The following NT5C2 variants were observed in gnomAD, a reference collection of about 807,000 sequenced individuals.
NT5C2 encodes cytosolic purine 5'-nucleotidase.
In NT5C2, 58 loss-of-function variants were observed where a neutral mutation model predicts 76.1. That is an observed-to-expected ratio of 0.76 (90% CI 0.62 to 0.95). The LOEUF is 0.95. Among genes scored for constraint, NT5C2 ranks in the 40% least tolerant of loss-of-function variants. The pLI is 0.00. For missense variants in NT5C2, 478 were observed against 690.3 expected, an observed-to-expected ratio of 0.69 and a Z score of 3.45; for synonymous variants, 229 against 237.4, an observed-to-expected ratio of 0.96 and a Z score of 0.32.
chr10:103,120,205 T>A (rs753011943), intron 4 of NT5C2, among the ~76,000 whole-genome samples: 22 of 151,526 alleles, frequency 1.5e-4, no homozygotes, highest in Non-Finnish European at 2.8e-4. Context: ...TGGCAGAAAA[T>A]CTTCCTTATA....
At chr10:103,190,411 CTG>C (rs2092549120) in intron 1 of NT5C2, among the ~76,000 whole-genome samples, 1 of 152,208 alleles carries the variant, frequency 6.6e-6, no homozygotes, top group Non-Finnish European at 1.5e-5. Flanking sequence ...TCTCCCTACT[CTG>C]AAGTGTTACT....
In NT5C2 at chr10:103,095,993, AT is replaced by A; in HGVS notation, c.772-14del. 6.2e-7 allele frequency: 1 copy of A among 1,610,504 alleles called. No homozygotes were observed. Among genetic ancestry groups the A allele is most frequent in the East Asian group, 2.2e-5 (1 of 44,826 alleles). On this transcript the variant is annotated splice_polypyrimidine_tract_variant and intron_variant, in intron 11 of 18. Coordinates refer to ENST00000404739, the MANE Select transcript of NT5C2 (RefSeq NM_001351169.2). ...AAGTCATAATTTTCTGGAAAAAAAAATTTAACATAAGGTCCATATACTACTT... is the reference window on the plus strand; with the variant it reads ...AAGTCATAATTTTCTGGAAAAAAAAATTAACATAAGGTCCATATACTACTT...
intron 3 of NT5C2, among the ~76,000 whole-genome samples, chr10:103,144,076 T>C (rs2133349015): frequency 6.6e-6 from 1 of 152,326 alleles, no homozygotes; most frequent in South Asian, 2.1e-4. Flanking sequence ...ATTTTCCCAG[T>C]TACATAAATC....
intron 12 of NT5C2, among the ~76,000 whole-genome samples, chr10:103,095,357 C>G (rs1336497990): frequency 6.6e-6 from 1 of 152,162 alleles, no homozygotes; most frequent in East Asian, 1.9e-4. Context: ...CAGGTGTTCT[C>G]AAAACAGGGA....
At chr10:103,091,448 C>T (rs950773412) in intron 16 of NT5C2, 116 bp downstream of exon 16, 11 of 782,166 alleles carry the variant, frequency 1.4e-5, no homozygotes, top group Admixed American at 2.2e-5. Flanking sequence ...CCGGTTCAAA[C>T]GATTCTCCTG....
At chr10:103,105,495 G>T in intron 6 of NT5C2, 1 of 546,370 alleles carries the variant, frequency 1.8e-6, no homozygotes. Flanking sequence ...TAATTGGAAG[G>T]CACTTAATTT....
chr10:103,116,054 G>A (rs2074265540), intron 4 of NT5C2, among the ~76,000 whole-genome samples: 1 of 151,946 alleles, frequency 6.6e-6, no homozygotes, highest in Non-Finnish European at 1.5e-5. Flanking sequence ...AATAATAGCA[G>A]CTAAAATAAC....
At chr10:103,134,339 C>G (rs1420197585) in intron 4 of NT5C2, among the ~76,000 whole-genome samples, 2 of 152,312 alleles carry the variant, frequency 1.3e-5, no homozygotes, top group Non-Finnish European at 2.9e-5. Context: ...AGTCTGGCGA[C>G]TTAGTGCCGA....
chr10:103,100,859 G>A (rs776894385), intron 8 of NT5C2, 186 bp downstream of exon 8: 4 of 688,450 alleles, frequency 5.8e-6, no homozygotes, highest in Non-Finnish European at 1.1e-5. Flanking sequence ...GGGGCCGTGT[G>A]GGAGGTGAGA....
At position 103,126,268 on chromosome 10, in the gene NT5C2, G is replaced by A. The variant is rs570714344; in HGVS notation, c.175+13138C>T. ...CTGATACATATCATGTGCAAAGAAC[G>A]TCGCTAAAGTAATTTGGGGTGAAAG... On this transcript the variant is annotated intron_variant, in intron 4 of 18. Coordinates refer to ENST00000404739, the MANE Select transcript of NT5C2 (RefSeq NM_001351169.2). Among the ~76,000 whole-genome samples the A allele has an allele frequency of 2.1e-3, 323 of 152,292 alleles. 2 individuals are homozygous for A. The highest frequency in any genetic ancestry group is 0.011 in the South Asian group (52 of 4,826).
chr10:103,120,205 T>G (rs753011943), intron 4 of NT5C2, among the ~76,000 whole-genome samples: 2 of 151,526 alleles, frequency 1.3e-5, no homozygotes, highest in East Asian at 3.9e-4. Flanking sequence ...TGGCAGAAAA[T>G]CTTCCTTATA....
chr10:103,100,543 T>G (rs2135054845), intron 8 of NT5C2: 1 of 392,190 alleles, frequency 2.5e-6, no homozygotes. Flanking sequence ...GGCTATATAA[T>G]TCTCCCTAAA....
At chr10:103,113,496 A>AT (rs997745829) in intron 4 of NT5C2, among the ~76,000 whole-genome samples, 66 of 123,782 alleles carry the variant, frequency 5.3e-4, no homozygotes, top group African/African-American at 1.2e-3. Flanking sequence ...AATAGCTAAT[A>AT]TTTTTTTTTT....
chr10:103,190,006 T>C (rs1173656998), intron 1 of NT5C2, among the ~76,000 whole-genome samples: 2 of 145,100 alleles, frequency 1.4e-5, no homozygotes, highest in Non-Finnish European at 3.0e-5. Context: ...TCTTTTTTTT[T>C]TTTTTTTTTT....
intron 4 of NT5C2, among the ~76,000 whole-genome samples, chr10:103,138,465 G>A (rs781294359): frequency 7.2e-5 from 11 of 152,018 alleles, no homozygotes; most frequent in Non-Finnish European, 1.5e-4. Flanking sequence ...AGTGTGTGAT[G>A]TTCCCCCTCC....
At chr10:103,160,261 G>A (rs1001136342) in intron 3 of NT5C2, among the ~76,000 whole-genome samples, 5 of 152,058 alleles carry the variant, frequency 3.3e-5, no homozygotes, top group South Asian at 2.1e-4. Context: ...GATCAAAAAC[G>A]TAAATGTAAG....
intron 3 of NT5C2, chr10:103,153,153 T>C: frequency 2.2e-6 from 1 of 452,910 alleles, no homozygotes; most frequent in Admixed American, 4.8e-5. Context: ...CACTATAAGA[T>C]TTGGGCTGAA....
intron 2 of NT5C2, among the ~76,000 whole-genome samples, chr10:103,176,956 T>C (rs527778002): frequency 1.3e-5 from 2 of 152,278 alleles, no homozygotes; most frequent in Admixed American, 6.5e-5. Context: ...TCTTCTCCCA[T>C]TGTTATAAAA....
intron 1 of NT5C2, among the ~76,000 whole-genome samples, chr10:103,189,162 A>G (rs748904963): frequency 3.3e-5 from 5 of 152,032 alleles, no homozygotes; most frequent in Admixed American, 1.3e-4. Context: ...AGTGGGATAT[A>G]TATTTTTATA....
Sources: gnomAD v4.1 joint callset for allele counts (sites outside exome capture counted in the v4.1 genomes callset) on GRCh38, gnomAD v4.1.1 for gene constraint, MANE v1.5 for transcripts, NCBI Gene and HGNC (gene_info 2026-07-23, HGNC 2026-07-21) for gene names.